Variants in GRK7 observed in about 807,000 individuals in gnomAD.
The protein encoded by GRK7 is rhodopsin kinase GRK7.
Under a neutral mutation model 34.1 loss-of-function variants are expected in GRK7, and 24 were observed. That is an observed-to-expected ratio of 0.70 (90% CI 0.51 to 0.99). GRK7 has a LOEUF of 0.99. GRK7 is among the 50% of genes least tolerant of loss of function. The pLI is 0.00. For missense variants in GRK7, 644 were observed against 707.3 expected (o/e 0.91, Z 1.02); for synonymous variants, 256 against 279.4 (o/e 0.92, Z 0.84).
At chr3:141,806,135 A>G (rs1711033212) in intron 4 of GRK7, among the ~76,000 whole-genome samples, 1 of 152,172 alleles carries the variant, frequency 6.6e-6, no homozygotes, top group African/African-American at 2.4e-5. Context: ...TGAACATCTC[A>G]ATATAGATTC....
At chr3:141,777,394 G>C (rs545285122) in intron 2 of GRK7, among the ~76,000 whole-genome samples, 3 of 127,636 alleles carry the variant, frequency 2.4e-5, no homozygotes, top group Non-Finnish European at 4.8e-5. Context: ...GCGCAATCTC[G>C]GCTCACTGCA....
chr3:141,768,797 TCTC>T (rs1247676930), intron 1 of GRK7, among the ~76,000 whole-genome samples: 3 of 152,000 alleles, frequency 2.0e-5, no homozygotes, highest in African/African-American at 7.2e-5. Context: ...CTCCTTTCTT[TCTC>T]CTCATCATCT....
chr3:141,750,002 G>A, the GRK7 span, among the ~76,000 whole-genome samples: 4 of 150,690 alleles, frequency 2.7e-5, no homozygotes, highest in Non-Finnish European at 2.9e-5. Context: ...GGGCGACAGA[G>A]CGAGACTCCG....
In GRK7 at chr3:141,778,093, C is replaced by T; in HGVS notation, c.-113-79C>T. ...GGAGCATGACCTATCGTGTGCAGTT[C>T]CTGGCGGGCTATACATAGCCAGTCA... is the stretch of plus-strand genomic sequence containing the variant. On this transcript the variant is annotated intron_variant, in intron 2 of 5. Coordinates refer to ENST00000682958, the MANE Select transcript of GRK7 (RefSeq NM_139209.3). This position sits in a 1 kb window ranked among gnomAD's most constrained non-coding sequence, Gnocchi z 4.1. The T allele has an allele frequency of 3.1e-6, 2 of 647,034 alleles. No individual in the cohort carries two copies. The highest frequency in any genetic ancestry group is 5.1e-6 in the Non-Finnish European group (2 of 394,932). 40.1% of individuals were successfully genotyped at this position (647,034 alleles called of 1,614,324 possible).
chr3:141,788,528 A>G (rs1250573182), intron 4 of GRK7, among the ~76,000 whole-genome samples: 1 of 152,182 alleles, frequency 6.6e-6, no homozygotes, highest in East Asian at 1.9e-4. Context: ...TAGGGGACAG[A>G]GAACAGCTCC....
chr3:141,810,594 A>C (rs114659115), intron 5 of GRK7, among the ~76,000 whole-genome samples: 218 of 152,246 alleles, frequency 1.4e-3, no homozygotes, highest in African/African-American at 4.7e-3. Context: ...GGCTCACTGC[A>C]ATCTCTCAGC....
chr3:141,787,304 A>G (rs1487197220), intron 4 of GRK7, among the ~76,000 whole-genome samples: 1 of 152,212 alleles, frequency 6.6e-6, no homozygotes, highest in Non-Finnish European at 1.5e-5. Context: ...AGGTAGCCAG[A>G]GAAATATTGT....
chr3:141,791,007 T>C (rs1010722484), intron 4 of GRK7, among the ~76,000 whole-genome samples: 8 of 152,234 alleles, frequency 5.3e-5, no homozygotes, highest in African/African-American at 1.9e-4. Flanking sequence ...ATCATGCTTG[T>C]ACTTTTTAAA....
At chr3:141,808,684 G>T (rs1711060804) in intron 5 of GRK7, among the ~76,000 whole-genome samples, 2 of 152,098 alleles carry the variant, frequency 1.3e-5, no homozygotes, top group African/African-American at 4.8e-5. Flanking sequence ...CTGCACTCCA[G>T]CCTGGGTGAC....
At chr3:141,800,505 G>T (rs1347279376) in intron 4 of GRK7, among the ~76,000 whole-genome samples, 3 of 151,528 alleles carry the variant, frequency 2.0e-5, no homozygotes, top group Admixed American at 1.3e-4. Flanking sequence ...TTTAAAACTT[G>T]TAATTATTAT....
intron 4 of GRK7, among the ~76,000 whole-genome samples, chr3:141,801,365 T>G (rs1030578518): frequency 7.5e-6 from 1 of 133,466 alleles, no homozygotes; most frequent in African/African-American, 2.8e-5. Flanking sequence ...ACATGTTAAA[T>G]GACACCACAG....
At chr3:141,785,590 C>T (rs748851291) in intron 4 of GRK7, among the ~76,000 whole-genome samples, 19 of 152,094 alleles carry the variant, frequency 1.2e-4, no homozygotes, top group Non-Finnish European at 2.4e-4. Flanking sequence ...ATGTTGAAAC[C>T]CTGTCTCTAC....
At chr3:141,777,372 G>A (rs1381573978) in intron 2 of GRK7, among the ~76,000 whole-genome samples, 40 of 106,042 alleles carry the variant, frequency 3.8e-4, no homozygotes, top group African/African-American at 1.3e-3. Context: ...TGGCCCAGAC[G>A]GGAGTGCAGT....
chr3:141,810,923 T>A (rs989639119), intron 5 of GRK7, among the ~76,000 whole-genome samples: 1 of 152,090 alleles, frequency 6.6e-6, no homozygotes, highest in African/African-American at 2.4e-5. Flanking sequence ...TATCCAAAGG[T>A]GCGGGAGCAG....
At chr3:141,779,768 T>C (rs1377176192) in intron 3 of GRK7, among the ~76,000 whole-genome samples, 1 of 152,248 alleles carries the variant, frequency 6.6e-6, no homozygotes, top group Non-Finnish European at 1.5e-5. Context: ...TTTCACACAA[T>C]ATGTGACCTT....
chr3:141,752,121 A>G, the GRK7 span, among the ~76,000 whole-genome samples: 1 of 152,272 alleles, frequency 6.6e-6, no homozygotes, highest in Non-Finnish European at 1.5e-5. Flanking sequence ...AAAAATACAA[A>G]GATTCCAAAT....
chr3:141,760,061 G>T (rs1270656814), upstream of GRK7, among the ~76,000 whole-genome samples: 3 of 145,526 alleles, frequency 2.1e-5, no homozygotes, highest in African/African-American at 7.7e-5. Context: ...TTCTTTATTA[G>T]TCTTGCTAGC....
intron 4 of GRK7, among the ~76,000 whole-genome samples, chr3:141,806,771 T>G (rs895927774): frequency 6.6e-6 from 1 of 152,006 alleles, no homozygotes; most frequent in Non-Finnish European, 1.5e-5. Flanking sequence ...GAGTGTAAAT[T>G]ATCGGTTTTG....
chr3:141,802,504 C>T (rs1710981266), intron 4 of GRK7, among the ~76,000 whole-genome samples: 1 of 152,232 alleles, frequency 6.6e-6, no homozygotes, highest in East Asian at 1.9e-4. Flanking sequence ...AAAAAAGCCC[C>T]ACATCAAAGT....
Sources: allele counts gnomAD v4.1 joint callset (sites outside exome capture counted in the v4.1 genomes callset), GRCh38; gene constraint gnomAD v4.1.1; non-coding constraint Gnocchi (gnomAD v3.1); transcripts MANE v1.5; gene names NCBI Gene and HGNC (gene_info 2026-07-23, HGNC 2026-07-21).